Variants in CD8B observed in about 807,000 individuals in gnomAD.
CD8B encodes the protein T-cell surface glycoprotein CD8 beta chain.
A neutral mutation model predicts 24.2 loss-of-function variants in CD8B; 6 were observed. The observed-to-expected ratio is 0.25, with a 90% confidence interval of 0.14 to 0.49. The LOEUF is 0.49. CD8B is among the 20% of genes least tolerant of loss of function. CD8B has a pLI of 0.98. For synonymous variants in CD8B, 84 were observed against 108.3 expected, an observed-to-expected ratio of 0.78 and a Z score of 1.39; for missense variants, 196 against 271.3, an observed-to-expected ratio of 0.72 and a Z score of 1.95.
intron 5 of CD8B, among the ~76,000 whole-genome samples, chr2:86,817,287 A>G (rs1462997250): frequency 6.6e-6 from 1 of 152,222 alleles, no homozygotes; most frequent in Non-Finnish European, 1.5e-5. Flanking sequence ...CTCTGGCCCC[A>G]GAACTTCCAC....
Position 86,841,532 on chromosome 2 carries a change from T to G in CD8B, c.*775A>C. 2 of 954,562 alleles carry G rather than the reference T, an allele frequency of 2.1e-6. No individual in the cohort carries two copies. The highest frequency in any genetic ancestry group is 2.5e-6 in the Non-Finnish European group (2 of 801,930). 59.1% of individuals were successfully genotyped at this position (954,562 alleles called of 1,614,324 possible). A position where few individuals can be genotyped will look rare whatever the true frequency, so the allele number is the denominator to read the frequency against. On this transcript the variant is annotated 3_prime_UTR_variant, in exon 6 of 6. Transcript: ENST00000390655. The stretch of plus-strand genomic sequence containing the variant: ...TTCTGGTTTCTGTTCCACGGAGCAC[T>G]GATGTCTTTGCTGTAGATGGGCTTT...
At chr2:86,828,341 T>C (rs1035162453) in intron 5 of CD8B, among the ~76,000 whole-genome samples, 1 of 151,896 alleles carries the variant, frequency 6.6e-6, no homozygotes, top group Non-Finnish European at 1.5e-5. Context: ...TGTGTGTGCG[T>C]GTCTGGACCC....
chr2:86,827,296 C>G (rs1018190020), intron 5 of CD8B, among the ~76,000 whole-genome samples: 2 of 151,686 alleles, frequency 1.3e-5, no homozygotes, highest in Non-Finnish European at 2.9e-5. Context: ...TTGGCTTGCC[C>G]TGAGAGTTCG....
chr2:86,850,197 C>T (rs1341404061), intron 3 of CD8B, among the ~76,000 whole-genome samples: 4 of 152,126 alleles, frequency 2.6e-5, no homozygotes, highest in South Asian at 2.1e-4. Context: ...CTGCAAATAA[C>T]GTGCTTGGGT....
chr2:86,836,528 G>A (rs908062246), downstream of CD8B, among the ~76,000 whole-genome samples: 7 of 152,204 alleles, frequency 4.6e-5, no homozygotes, highest in Non-Finnish European at 1.0e-4. Flanking sequence ...GCTCATGCCT[G>A]TAATCCCAAC....
chr2:86,858,540 A>G (rs559463906), intron 1 of CD8B, 124 bp from the exon 2 acceptor site: 2 of 1,452,842 alleles, frequency 1.4e-6, no homozygotes, highest in African/African-American at 3.0e-5. Context: ...TACTGGGTCC[A>G]GGGAGTGTGT....
chr2:86,829,397 G>A (rs963844521), intron 5 of CD8B, among the ~76,000 whole-genome samples: 10 of 152,058 alleles, frequency 6.6e-5, no homozygotes, highest in African/African-American at 2.2e-4. Context: ...GAGCCACCGC[G>A]CCTGGCTGGC....
chr2:86,819,089 T>G (rs1020483158), intron 5 of CD8B, among the ~76,000 whole-genome samples: 5 of 152,132 alleles, frequency 3.3e-5, no homozygotes, highest in African/African-American at 1.2e-4. Context: ...AAAGCTGAAG[T>G]GGTGAGGAAG....
intron 3 of CD8B, among the ~76,000 whole-genome samples, chr2:86,849,867 C>A (rs1342354627): frequency 6.6e-6 from 1 of 152,010 alleles, no homozygotes. Flanking sequence ...CAATGCCCAG[C>A]TAATTTTTGT....
At chr2:86,858,556 G>T (rs373347663) in intron 1 of CD8B, 140 bp from the exon 2 acceptor site, 1 of 1,433,754 alleles carries the variant, frequency 7.0e-7, no homozygotes, top group Non-Finnish European at 9.2e-7. Flanking sequence ...TGTGTTGAGC[G>T]CAGCTGTTGG....
intron 2 of CD8B, among the ~76,000 whole-genome samples, chr2:86,857,688 C>A (rs993675628): frequency 2.0e-5 from 3 of 151,992 alleles, no homozygotes; most frequent in African/African-American, 7.2e-5. Context: ...CCACTGCACC[C>A]CAGCCTGGGC....
chr2:86,842,881 C>A (rs995294086), intron 5 of CD8B, among the ~76,000 whole-genome samples: 9 of 152,018 alleles, frequency 5.9e-5, no homozygotes, highest in Non-Finnish European at 1.3e-4. Context: ...GTCTCAGGGT[C>A]CCCCCACGAC....
chr2:86,821,316 AT>A (rs1327420198), intron 5 of CD8B, among the ~76,000 whole-genome samples: 1 of 152,006 alleles, frequency 6.6e-6, no homozygotes, highest in Non-Finnish European at 1.5e-5. Flanking sequence ...ATGTGGTGTG[AT>A]TTCTAAGACG....
In CD8B at chr2:86,816,228, G is replaced by T. The variant is rs915741838; in HGVS notation, c.621-510C>A. ...AAATTTCTCTCAGGAGAGTAGTAAGGTAGGGTGGCTATTGTCATCACAGGT... is the reference window on the plus strand; with the variant it reads ...AAATTTCTCTCAGGAGAGTAGTAAGTTAGGGTGGCTATTGTCATCACAGGT... On this transcript the variant is annotated intron_variant, in intron 5 of 5. Coordinates refer to the CD8B transcript ENST00000331469. Among the ~76,000 whole-genome samples, 3 of 152,198 alleles carry T rather than the reference G, an allele frequency of 2.0e-5. No homozygotes were observed. In the East Asian group the frequency reaches 5.8e-4, roughly 29 times the overall value.
At chr2:86,820,259 T>C (rs1037953355) in intron 5 of CD8B, among the ~76,000 whole-genome samples, 1 of 152,232 alleles carries the variant, frequency 6.6e-6, no homozygotes, top group Non-Finnish European at 1.5e-5. Context: ...TTTTGAATGC[T>C]GTTCTACTGT....
intron 5 of CD8B, among the ~76,000 whole-genome samples, chr2:86,817,505 G>A (rs1256702269): frequency 1.3e-5 from 2 of 152,104 alleles, no homozygotes; most frequent in African/African-American, 4.8e-5. Flanking sequence ...TATGTTGAAT[G>A]AAATAAGCAA....
At position 86,852,879 on chromosome 2, in the gene CD8B, G is replaced by T. The variant is rs1007340206; in HGVS notation, c.493+118C>A. 2.6e-5 allele frequency: 38 copies of T among 1,456,706 alleles called. No individual in the cohort carries two copies. In the African/African-American group the frequency reaches 5.2e-4, roughly 20 times the overall value. The allele number at this position is 1,456,706 out of a possible 1,614,324, so 90.2% of individuals were successfully genotyped here. A position where few individuals can be genotyped will look rare whatever the true frequency, so the allele number is the denominator to read the frequency against. On this transcript the variant is annotated intron_variant, in intron 3 of 5. Transcript: ENST00000390655. The stretch of plus-strand genomic sequence containing the variant: ...TCCTTTCTGACCCTAGCTTAGGCCG[G>T]GGAGATAGGCTCTAGAGTTGACACT...
intron 3 of CD8B, among the ~76,000 whole-genome samples, chr2:86,849,799 G>A (rs1352597503): frequency 6.6e-6 from 1 of 151,690 alleles, no homozygotes; most frequent in East Asian, 1.9e-4. Context: ...CGCCTCCTGG[G>A]TTCAAGCGAT....
chr2:86,854,408 T>C (rs1676128984), intron 2 of CD8B, among the ~76,000 whole-genome samples: 1 of 152,130 alleles, frequency 6.6e-6, no homozygotes, highest in Admixed American at 6.6e-5. Context: ...AAAATATATA[T>C]ATAATACCAG....
Sources: allele counts gnomAD v4.1 joint callset (sites outside exome capture counted in the v4.1 genomes callset), GRCh38; gene constraint gnomAD v4.1.1; transcripts MANE v1.5; gene names NCBI Gene and HGNC (gene_info 2026-07-23, HGNC 2026-07-21).